The following XYLT1 variants were observed in gnomAD, a reference collection of about 807,000 sequenced individuals.
XYLT1 encodes beta-D-xylosyltransferase 1.
A neutral mutation model predicts 91.3 loss-of-function variants in XYLT1; 36 were observed. The ratio of observed to expected loss-of-function variants is 0.39; its 90% CI spans 0.30 to 0.52. The LOEUF (loss-of-function observed/expected upper bound fraction) is 0.52, where lower values mean the gene tolerates loss of function less well. Among genes scored for constraint, XYLT1 ranks in the 20% least tolerant of loss-of-function variants. The pLI is 0.68. For synonymous variants in XYLT1, 588 were observed against 532.0 expected, an observed-to-expected ratio of 1.11 and a Z score of -1.45; for missense variants, 1,242 against 1,284.5, an observed-to-expected ratio of 0.97 and a Z score of 0.51.
intron 1 of XYLT1, among the ~76,000 whole-genome samples, chr16:17,467,222 C>T (rs1400487302): frequency 2.0e-5 from 3 of 152,146 alleles, no homozygotes; most frequent in Non-Finnish European, 2.9e-5. Flanking sequence ...TACTGAGTAA[C>T]AGTTTATCTA....
intron 1 of XYLT1, among the ~76,000 whole-genome samples, chr16:17,430,982 G>C (rs2036383077): frequency 6.6e-6 from 1 of 152,100 alleles, no homozygotes; most frequent in African/African-American, 2.4e-5. Context: ...ACATGAAAAA[G>C]CTAGTAATTT....
At position 17,276,362 on chromosome 16, in the gene XYLT1, C is replaced by T. The variant is rs1412244095; in HGVS notation, c.403-16864G>A. ...TGTTTATGCCTGAGGTTGGCATGGC[C>T]TGCAGGACATCCAATGTCGATTGGA... is the stretch of plus-strand genomic sequence containing the variant. On this transcript the variant is annotated intron_variant, in intron 2 of 11. Coordinates refer to ENST00000261381, the MANE Select transcript of XYLT1 (RefSeq NM_022166.4). Among the ~76,000 whole-genome samples, 5 of 152,308 alleles carry T rather than the reference C, an allele frequency of 3.3e-5. No individual in the cohort carries two copies. In the East Asian group the frequency reaches 9.7e-4, roughly 29 times the overall value.
At chr16:17,364,583 T>C (rs2141868509) in intron 1 of XYLT1, among the ~76,000 whole-genome samples, 1 of 152,280 alleles carries the variant, frequency 6.6e-6, no homozygotes, top group South Asian at 2.1e-4. Flanking sequence ...TAGATACGAG[T>C]GCAACCTATG....
intron 2 of XYLT1, among the ~76,000 whole-genome samples, chr16:17,277,760 T>C (rs2033999476): frequency 6.6e-6 from 1 of 152,214 alleles, no homozygotes; most frequent in South Asian, 2.1e-4. Flanking sequence ...ACATGTGGTA[T>C]GTAGTCTTCT....
chr16:17,269,956 C>T (rs1054434449), intron 2 of XYLT1, among the ~76,000 whole-genome samples: 8 of 152,092 alleles, frequency 5.3e-5, no homozygotes, highest in Non-Finnish European at 8.8e-5. Flanking sequence ...GAATTACAGG[C>T]GTGTGCCACA....
chr16:17,278,381 G>C (rs2034009289), intron 2 of XYLT1, among the ~76,000 whole-genome samples: 2 of 152,284 alleles, frequency 1.3e-5, no homozygotes, highest in South Asian at 4.1e-4. Flanking sequence ...GGACAGTCAG[G>C]ACGCATCTCC....
At chr16:17,250,644 C>G (rs1440291881) in intron 3 of XYLT1, 1 of 152,314 alleles carries the variant, frequency 6.6e-6, no homozygotes. Context: ...ATTTGCCAGT[C>G]TCTTGCCTTT....
rs138304375 is a variant in XYLT1, at chr16:17,409,711, G to A, written c.364-51661C>T. On this transcript the variant is annotated intron_variant, in intron 1 of 11. Coordinates refer to ENST00000261381, the MANE Select transcript of XYLT1 (RefSeq NM_022166.4). ...AGTACAGGTGCCCGCCACCACGTCC[G>A]ACTAATTTTTGTATGTTTAGTAGAG... 4.6e-3 allele frequency among the ~76,000 whole-genome samples: 701 copies of A among 151,850 alleles called. 5 individuals are homozygous for A. Among genetic ancestry groups the A allele is most frequent in the African/African-American group, 0.016 (674 of 41,386 alleles).
chr16:17,367,639 AT>A (rs2035472872), intron 1 of XYLT1, among the ~76,000 whole-genome samples: 1 of 152,224 alleles, frequency 6.6e-6, no homozygotes, highest in African/African-American at 2.4e-5. Flanking sequence ...AGAATCCAAA[AT>A]CGTGAGTTCA....
chr16:17,466,220 A>G (rs1459721785), intron 1 of XYLT1, among the ~76,000 whole-genome samples: 8 of 152,228 alleles, frequency 5.3e-5, no homozygotes, highest in Non-Finnish European at 8.8e-5. Context: ...GAGAGAGATC[A>G]TAAGTGGCAG....
intron 3 of XYLT1, among the ~76,000 whole-genome samples, chr16:17,249,346 G>C (rs1054088195): frequency 6.6e-6 from 1 of 152,144 alleles, no homozygotes; most frequent in African/African-American, 2.4e-5. Context: ...GGGAGGTTGA[G>C]CCACTGAGGC....
chr16:17,129,262 TTTTA>T (rs2030382203), intron 9 of XYLT1, among the ~76,000 whole-genome samples: 1 of 151,830 alleles, frequency 6.6e-6, no homozygotes, highest in East Asian at 1.9e-4. Flanking sequence ...GACAGAAATA[TTTTA>T]TTTATTTATT....
At chr16:17,467,944 G>A (rs2036921755) in intron 1 of XYLT1, among the ~76,000 whole-genome samples, 2 of 152,144 alleles carry the variant, frequency 1.3e-5, no homozygotes, top group African/African-American at 4.8e-5. Context: ...GAAAATCACG[G>A]GGATTTGTTT....
chr16:17,415,849 G>T (rs559329165), intron 1 of XYLT1, among the ~76,000 whole-genome samples: 1 of 152,158 alleles, frequency 6.6e-6, no homozygotes, highest in Non-Finnish European at 1.5e-5. Flanking sequence ...TGAATAAAGG[G>T]TGTAATCATG....
At chr16:17,358,119 TTC>T in intron 1 of XYLT1, 69 bp from the exon 2 acceptor site, 1 of 1,387,226 alleles carries the variant, frequency 7.2e-7, no homozygotes, top group Non-Finnish European at 9.7e-7. Flanking sequence ...CAGCATCTTT[TTC>T]TTTCTTTCCT....
At chr16:17,123,494 T>C (rs2030146129) in intron 10 of XYLT1, among the ~76,000 whole-genome samples, 1 of 152,216 alleles carries the variant, frequency 6.6e-6, no homozygotes, top group Admixed American at 6.5e-5. Flanking sequence ...GGGGTTCCTT[T>C]TGGAGTTAAT....
At chr16:17,239,268 GTCCA>G (rs1567336744) in intron 3 of XYLT1, among the ~76,000 whole-genome samples, 2 of 145,192 alleles carry the variant, frequency 1.4e-5, no homozygotes, top group Admixed American at 6.8e-5. Flanking sequence ...CACCCACCCA[GTCCA>G]TCCATCCATG....
chr16:17,119,101 G>T (rs2029957414), intron 10 of XYLT1, among the ~76,000 whole-genome samples: 1 of 152,102 alleles, frequency 6.6e-6, no homozygotes, highest in East Asian at 1.9e-4. Flanking sequence ...ATCTCCTCCA[G>T]CTGTAATATA....
At chr16:17,325,671 C>A (rs968687792) in intron 2 of XYLT1, among the ~76,000 whole-genome samples, 4 of 152,150 alleles carry the variant, frequency 2.6e-5, no homozygotes, top group East Asian at 1.9e-4. Context: ...AATTTCCAAC[C>A]GTGGGAATAT....
Sources: gnomAD v4.1 joint callset for allele counts (sites outside exome capture counted in the v4.1 genomes callset) on GRCh38, gnomAD v4.1.1 for gene constraint, MANE v1.5 for transcripts, NCBI Gene and HGNC (gene_info 2026-07-23, HGNC 2026-07-21) for gene names.